SLC47A1: variants seen among roughly 807,000 people sequenced by gnomAD.
SLC47A1 encodes the protein multidrug and toxin extrusion protein 1.
In SLC47A1, 58 loss-of-function variants were observed where a neutral mutation model predicts 65.8. The ratio of observed to expected loss-of-function variants is 0.88; its 90% CI spans 0.71 to 1.10. The LOEUF (loss-of-function observed/expected upper bound fraction) is 1.10, where lower values mean the gene tolerates loss of function less well. SLC47A1 is among the 50% of genes least tolerant of loss of function. The pLI, the probability that SLC47A1 is intolerant of heterozygous loss-of-function variation, is 0.00. For synonymous variants in SLC47A1, 285 were observed against 295.0 expected (o/e 0.97, Z 0.35); for missense variants, 706 against 719.2 (o/e 0.98, Z 0.21).
At chr17:19,563,172 G>A (rs570033732) in intron 12 of SLC47A1, among the ~76,000 whole-genome samples, 10 of 111,530 alleles carry the variant, frequency 9.0e-5, no homozygotes, top group Non-Finnish European at 1.7e-4. Flanking sequence ...TCCCTCTGTC[G>A]CCCAGGCTGG....
intron 12 of SLC47A1, among the ~76,000 whole-genome samples, chr17:19,565,353 A>G (rs1196288727): frequency 1.3e-5 from 2 of 152,192 alleles, no homozygotes; most frequent in African/African-American, 4.8e-5. Context: ...CTGTGGCATC[A>G]TCTTAAAAGA....
intron 8 of SLC47A1, 43 bp downstream of exon 8, chr17:19,555,733 G>A: frequency 1.9e-6 from 3 of 1,613,678 alleles, no homozygotes. Flanking sequence ...TGTGGGTTTT[G>A]TCTCAGGTTG....
chr17:19,555,507 G>A, intron 7 of SLC47A1, 86 bp from the exon 8 acceptor site: 3 of 1,430,290 alleles, frequency 2.1e-6, no homozygotes, highest in Non-Finnish European at 2.9e-6. Flanking sequence ...GACAGCACGG[G>A]AAGGGATGAG....
intron 14 of SLC47A1, chr17:19,570,850 G>T (rs1020473831): frequency 1.3e-5 from 2 of 152,292 alleles, no homozygotes; most frequent in Admixed American, 1.3e-4. Context: ...CTCACCTGGG[G>T]TCTCCCTCTG....
At position 19,547,990 on chromosome 17, in the gene SLC47A1, C is replaced by T. The variant is rs766485211; in HGVS notation, c.312C>T (p.Tyr104=). ...SACDTLISQT[Y]GSQNLKHVGV... ...TTTGGCTGTGTGCACCCCAGACGTA[C>T]GGGAGCCAGAACCTGAAGCACGTGG... Residue 104 remains tyrosine, a synonymous_variant, in exon 4 of 17, where the codon TAC becomes TAT. Coordinates refer to ENST00000270570, the MANE Select transcript of SLC47A1 (RefSeq NM_018242.3). 44 of 1,611,730 alleles carry T rather than the reference C, an allele frequency of 2.7e-5. No individual in the cohort carries two copies. Among genetic ancestry groups the T allele is most frequent in the South Asian group, 2.6e-4 (24 of 90,822 alleles).
At chr17:19,543,473 G>A (rs1408977814) in intron 2 of SLC47A1, among the ~76,000 whole-genome samples, 1 of 152,096 alleles carries the variant, frequency 6.6e-6, no homozygotes, top group Non-Finnish European at 1.5e-5. Flanking sequence ...TTGGGGGAGG[G>A]GAACAGTAAA....
intron 1 of SLC47A1, among the ~76,000 whole-genome samples, chr17:19,541,723 C>T (rs1465059234): frequency 6.6e-6 from 1 of 152,178 alleles, no homozygotes; most frequent in Non-Finnish European, 1.5e-5. Context: ...GTATTCTCTC[C>T]AGTCCTCACT....
At chr17:19,534,194 C>T in intron 1 of SLC47A1, 120 bp downstream of exon 1, 1 of 1,294,940 alleles carries the variant, frequency 7.7e-7, no homozygotes, top group Non-Finnish European at 1.0e-6. Flanking sequence ...CCGGCGGGCT[C>T]CGGGGAGCAT....
At chr17:19,541,607 A>G (rs1020118880) in intron 1 of SLC47A1, among the ~76,000 whole-genome samples, 1 of 152,164 alleles carries the variant, frequency 6.6e-6, no homozygotes, top group African/African-American at 2.4e-5. Flanking sequence ...TTTCACCCTG[A>G]GAGTCCGGAT....
At chr17:19,548,169 C>A (rs1464226391) in intron 4 of SLC47A1, 36 bp downstream of exon 4, 1 of 1,592,346 alleles carries the variant, frequency 6.3e-7, no homozygotes. Flanking sequence ...ACTTGGCGTC[C>A]ATCCCACGGA....
chr17:19,560,959 AT>A (rs1410788068), intron 12 of SLC47A1, among the ~76,000 whole-genome samples: 1 of 151,932 alleles, frequency 6.6e-6, no homozygotes, highest in South Asian at 2.1e-4. Flanking sequence ...AAAACTAGGA[AT>A]TTTTTTTAAA....
At chr17:19,569,650 T>C (rs1228377118) in intron 14 of SLC47A1, among the ~76,000 whole-genome samples, 1 of 152,258 alleles carries the variant, frequency 6.6e-6, no homozygotes, top group Non-Finnish European at 1.5e-5. Flanking sequence ...TCAGAATCCC[T>C]GGGAGACATT....
In SLC47A1 at chr17:19,560,542, GTTCA is replaced by G. The variant is rs770892829; in HGVS notation, c.1106+52_1106+55del. On this transcript the variant is annotated intron_variant, in intron 12 of 16. Coordinates refer to ENST00000270570, the MANE Select transcript of SLC47A1 (RefSeq NM_018242.3). ...ATGTGAAATCTGTGATAAAGAAATG[GTTCA>G]TTGAGAAAATTTGTTCTCTAAAATC... 1.9e-6 allele frequency: 3 copies of G among 1,575,958 alleles called. No homozygotes were observed. The Admixed American group carries it at 5.0e-5, about 26-fold the overall frequency.
At chr17:19,557,728 T>C in intron 10 of SLC47A1, 1 of 440,278 alleles carries the variant, frequency 2.3e-6, no homozygotes, top group South Asian at 1.6e-5. Context: ...ACACACAGGG[T>C]TTTTCTGCTC....
intron 5 of SLC47A1, among the ~76,000 whole-genome samples, chr17:19,550,786 G>A (rs1916426556): frequency 3.3e-5 from 5 of 152,150 alleles, no homozygotes; most frequent in East Asian, 1.9e-4. Flanking sequence ...TGTCCTCTGC[G>A]GCCTCTCTCC....
intron 12 of SLC47A1, among the ~76,000 whole-genome samples, chr17:19,566,188 G>A (rs2084356407): frequency 6.6e-6 from 1 of 152,154 alleles, no homozygotes; most frequent in South Asian, 2.1e-4. Flanking sequence ...TTATCATAAT[G>A]TATTTGTGTA....
At chr17:19,536,174 C>T (rs1268920456) in intron 1 of SLC47A1, among the ~76,000 whole-genome samples, 1 of 151,866 alleles carries the variant, frequency 6.6e-6, no homozygotes, top group Non-Finnish European at 1.5e-5. Context: ...TAAAGCAATC[C>T]TCCTGCCTCG....
At chr17:19,554,058 G>A (rs1597501174) in intron 6 of SLC47A1, among the ~76,000 whole-genome samples, 1 of 152,230 alleles carries the variant, frequency 6.6e-6, no homozygotes, top group Non-Finnish European at 1.5e-5. Context: ...AGGACTGTAG[G>A]CCAGTGGGTT....
chr17:19,561,642 C>CA (rs60772908), intron 12 of SLC47A1, among the ~76,000 whole-genome samples: 1,222 of 58,134 alleles, frequency 0.021, 14 homozygotes, highest in Non-Finnish European at 0.026. Flanking sequence ...GACTCTGTCT[C>CA]AAAAAAAAAA....
Sources: gnomAD v4.1 joint callset for allele counts (sites outside exome capture counted in the v4.1 genomes callset) on GRCh38, gnomAD v4.1.1 for gene constraint, MANE v1.5 for transcripts, NCBI Gene and HGNC (gene_info 2026-07-23, HGNC 2026-07-21) for gene names.